Variants in PPP3CB observed in about 807,000 individuals in gnomAD.
PPP3CB encodes protein phosphatase 3 catalytic subunit beta.
A neutral mutation model predicts 66.4 loss-of-function variants in PPP3CB; 8 were observed. That is an observed-to-expected ratio of 0.12 (90% CI 0.07 to 0.22). The LOEUF (loss-of-function observed/expected upper bound fraction) is 0.22. Ranked by LOEUF, PPP3CB falls within the 10% of genes least tolerant of loss-of-function variation. PPP3CB has a pLI of 1.00. For synonymous variants in PPP3CB, 208 were observed against 221.2 expected (o/e 0.94, Z 0.53); for missense variants, 319 against 642.5 (o/e 0.50, Z 5.44).
At chr10:73,448,844 A>C (rs2056301961) in intron 10 of PPP3CB, among the ~76,000 whole-genome samples, 1 of 152,218 alleles carries the variant, frequency 6.6e-6, no homozygotes, top group Non-Finnish European at 1.5e-5. Flanking sequence ...AATTTGAAAA[A>C]TGTAGTACTG....
intron 10 of PPP3CB, among the ~76,000 whole-genome samples, chr10:73,453,373 T>C (rs182935758): frequency 1.1e-4 from 16 of 152,340 alleles, no homozygotes; most frequent in Admixed American, 2.0e-4. Context: ...TAGAACCCAG[T>C]TGCCAAACAA....
At chr10:73,491,285 T>G (rs1267424688) in intron 1 of PPP3CB, among the ~76,000 whole-genome samples, 1 of 151,996 alleles carries the variant, frequency 6.6e-6, no homozygotes, top group Non-Finnish European at 1.5e-5. Context: ...TGCCTCAGCC[T>G]CCCAAAGTGC....
At chr10:73,458,159 C>T (rs1024257799) in intron 9 of PPP3CB, among the ~76,000 whole-genome samples, 14 of 152,122 alleles carry the variant, frequency 9.2e-5, no homozygotes, top group Admixed American at 7.2e-4. Flanking sequence ...TTTTTAGAGA[C>T]GGAGTCTCAC....
At chr10:73,481,672 T>C (rs1416476157) in intron 1 of PPP3CB, among the ~76,000 whole-genome samples, 1 of 150,174 alleles carries the variant, frequency 6.7e-6, no homozygotes, top group African/African-American at 2.5e-5. Context: ...ATCAATTACC[T>C]AAGAAAGAAT....
chr10:73,474,792 A>G (rs527540684), intron 4 of PPP3CB, 127 bp downstream of exon 4: 6 of 1,367,672 alleles, frequency 4.4e-6, no homozygotes, highest in Non-Finnish European at 5.8e-6. Context: ...ACTTTCCTCA[A>G]AGCTTTATGT....
chr10:73,447,062 G>C (rs765582378), intron 10 of PPP3CB, among the ~76,000 whole-genome samples: 2 of 152,186 alleles, frequency 1.3e-5, no homozygotes, highest in Non-Finnish European at 2.9e-5. Context: ...GACTATGACA[G>C]AATAAGCTTC....
intron 4 of PPP3CB, among the ~76,000 whole-genome samples, chr10:73,474,410 A>G (rs899642016): frequency 6.6e-6 from 1 of 151,970 alleles, no homozygotes; most frequent in Non-Finnish European, 1.5e-5. Context: ...GTTAAACATA[A>G]TAAGAAATTC....
At chr10:73,460,865 T>TA (rs1270029334) in intron 9 of PPP3CB, among the ~76,000 whole-genome samples, 1 of 152,188 alleles carries the variant, frequency 6.6e-6, no homozygotes, top group Non-Finnish European at 1.5e-5. Flanking sequence ...GGTTTCCACT[T>TA]AGATTTCAGA....
At chr10:73,486,623 A>G (rs1349163090) in intron 1 of PPP3CB, among the ~76,000 whole-genome samples, 1 of 152,124 alleles carries the variant, frequency 6.6e-6, no homozygotes, top group African/African-American at 2.4e-5. Context: ...CTTTAGCTCT[A>G]CACAGAATAC....
At chr10:73,495,743 G>A in intron 1 of PPP3CB, 62 bp downstream of exon 1, 1 of 1,525,294 alleles carries the variant, frequency 6.6e-7, no homozygotes, top group East Asian at 2.8e-5. Flanking sequence ...ACGGTCTCCC[G>A]CCCGCCCTCA....
chr10:73,458,545 T>C (rs2056467584), intron 9 of PPP3CB, among the ~76,000 whole-genome samples: 1 of 151,980 alleles, frequency 6.6e-6, no homozygotes, highest in African/African-American at 2.4e-5. Context: ...CTCATGCCTG[T>C]CACCCTAGCA....
At chr10:73,488,045 T>C (rs2057015388) in intron 1 of PPP3CB, among the ~76,000 whole-genome samples, 4 of 152,058 alleles carry the variant, frequency 2.6e-5, no homozygotes, top group Admixed American at 2.6e-4. Context: ...CCTCCCAAAG[T>C]GCTGGGGTTA....
intron 9 of PPP3CB, among the ~76,000 whole-genome samples, chr10:73,465,810 A>G (rs941262811): frequency 1.3e-5 from 2 of 152,224 alleles, no homozygotes; most frequent in Non-Finnish European, 2.9e-5. Flanking sequence ...GCCATCATGT[A>G]TTAAAATAGC....
chr10:73,489,408 C>CAATAATAATAAT (rs10524475), intron 1 of PPP3CB, among the ~76,000 whole-genome samples: 2,302 of 149,926 alleles, frequency 0.015, 60 homozygotes, highest in African/African-American at 0.052. Context: ...TTAAAACCTT[C>CAATAATAATAAT]AATAATAATA....
intron 4 of PPP3CB, 81 bp from the exon 5 acceptor site, chr10:73,471,694 A>G: frequency 8.8e-7 from 1 of 1,141,886 alleles, no homozygotes; most frequent in South Asian, 1.7e-5. Flanking sequence ...TTAGATTTTT[A>G]TTTCTTGTTC....
intron 4 of PPP3CB, among the ~76,000 whole-genome samples, chr10:73,474,585 G>A (rs192061890): frequency 5.3e-5 from 8 of 151,058 alleles, no homozygotes; most frequent in East Asian, 2.0e-4. Context: ...AGAGTGTGCC[G>A]CCACACCCAG....
At chr10:73,472,171 T>G (rs1046274017) in intron 4 of PPP3CB, among the ~76,000 whole-genome samples, 1 of 152,204 alleles carries the variant, frequency 6.6e-6, no homozygotes, top group Non-Finnish European at 1.5e-5. Flanking sequence ...AGAAAAGTCA[T>G]CACGTATTGT....
At chr10:73,485,091 TCTC>T (rs1203519654) in intron 1 of PPP3CB, among the ~76,000 whole-genome samples, 2 of 151,952 alleles carry the variant, frequency 1.3e-5, no homozygotes, top group Non-Finnish European at 2.9e-5. Context: ...AGCTACAAAA[TCTC>T]CTCAAAACCT....
chr10:73,479,215 T>C, intron 2 of PPP3CB, 102 bp downstream of exon 2: 1 of 1,067,680 alleles, frequency 9.4e-7, no homozygotes, highest in Non-Finnish European at 1.4e-6. Flanking sequence ...GTCCAAGTAA[T>C]ATTGATTTAG....
Sources: gnomAD v4.1 joint callset for allele counts (sites outside exome capture counted in the v4.1 genomes callset) on GRCh38, gnomAD v4.1.1 for gene constraint, MANE v1.5 for transcripts, NCBI Gene and HGNC (gene_info 2026-07-23, HGNC 2026-07-21) for gene names.